The following JHY variants were observed in gnomAD, a reference collection of about 807,000 sequenced individuals.
The protein encoded by JHY is jhy protein homolog.
In JHY, 69 loss-of-function variants were observed where a neutral mutation model predicts 78.0. That is an observed-to-expected ratio of 0.88 (90% CI 0.73 to 1.08). The LOEUF is 1.08. JHY is among the 50% of genes least tolerant of loss of function. The pLI, the probability that JHY is intolerant of heterozygous loss-of-function variation, is 0.00. For synonymous variants in JHY, 368 were observed against 342.6 expected, an observed-to-expected ratio of 1.07 and a Z score of -0.82; for missense variants, 944 against 927.8, an observed-to-expected ratio of 1.02 and a Z score of -0.23.
At chr11:122,902,062 G>A (rs1251353664) in intron 2 of JHY, among the ~76,000 whole-genome samples, 1 of 149,012 alleles carries the variant, frequency 6.7e-6, no homozygotes, top group East Asian at 2.2e-4. Context: ...AGGATAACAA[G>A]GCCTTCTTCT....
chr11:122,960,777 GC>G lies in JHY; in HGVS notation c.*1333del. On this transcript the variant is annotated 3_prime_UTR_variant, in exon 9 of 9. Coordinates refer to ENST00000227349, the MANE Select transcript of JHY (RefSeq NM_024806.4). Reference sequence around the variant, plus strand: ...GGCTTCCATCAAACAAATCCAGGATGCAATTGATTTGGAGAAGTCGCAGCGC... The same window carrying G: ...GGCTTCCATCAAACAAATCCAGGATGAATTGATTTGGAGAAGTCGCAGCGC... 2.0e-6 allele frequency: 1 copy of G among 501,148 alleles called. No individual in the cohort carries two copies. The highest frequency in any genetic ancestry group is 4.0e-6 in the Non-Finnish European group (1 of 252,926). The allele number at this position is 501,148 out of a possible 1,614,324, so 31.0% of individuals were successfully genotyped here.
intron 2 of JHY, among the ~76,000 whole-genome samples, chr11:122,901,831 C>G (rs572186286): frequency 6.6e-6 from 1 of 151,772 alleles, no homozygotes; most frequent in African/African-American, 2.4e-5. Flanking sequence ...CAAGATAGCG[C>G]CACTGCACTC....
intron 6 of JHY, among the ~76,000 whole-genome samples, chr11:122,953,646 A>C (rs770621588): frequency 2.0e-5 from 3 of 151,974 alleles, no homozygotes; most frequent in Non-Finnish European, 4.4e-5. Flanking sequence ...AAGAATTCAT[A>C]GTGAATGGAC....
At chr11:122,902,242 A>T (rs1862876853) in intron 2 of JHY, among the ~76,000 whole-genome samples, 1 of 152,086 alleles carries the variant, frequency 6.6e-6, no homozygotes, top group South Asian at 2.1e-4. Flanking sequence ...GGATCACAGG[A>T]GGCCAGGAGG....
intron 3 of JHY, among the ~76,000 whole-genome samples, chr11:122,924,485 G>A (rs901013439): frequency 6.6e-6 from 1 of 152,148 alleles, no homozygotes; most frequent in Non-Finnish European, 1.5e-5. Flanking sequence ...GGCACACCGC[G>A]AGCATTCCAT....
In JHY at chr11:122,926,486, G is replaced by C. The variant is rs577633760; in HGVS notation, c.978+1476G>C. 3.9e-5 allele frequency among the ~76,000 whole-genome samples: 6 copies of C among 152,276 alleles called. No homozygotes were observed. The South Asian group carries it at 1.2e-3, about 32-fold the overall frequency. The stretch of plus-strand genomic sequence containing the variant: ...TCTTTTCCTCTCCAGTGGACTCCAG[G>C]CCTCTCTTAAGAGTTGCAAAAAAAG... On this transcript the variant is annotated intron_variant, in intron 4 of 8. Transcript: ENST00000227349.
rs1367637531 is a variant in JHY at position 122,883,659 on chromosome 11, A to G, written c.-90+687A>G. On this transcript the variant is annotated intron_variant, in intron 1 of 8. Coordinates refer to ENST00000227349, the MANE Select transcript of JHY (RefSeq NM_024806.4). This position sits in a 1 kb window ranked among gnomAD's most constrained non-coding sequence, Gnocchi z 4.4. ...TAAACGCCCACTTTCTAACTTATTCAAGCTGTCAGCTGTTCCTTCTTCCAC... is the reference window on the plus strand; with the variant it reads ...TAAACGCCCACTTTCTAACTTATTCGAGCTGTCAGCTGTTCCTTCTTCCAC... 6.6e-6 allele frequency among the ~76,000 whole-genome samples: 1 copy of G among 151,864 alleles called. No homozygotes were observed. Among genetic ancestry groups the G allele is most frequent in the African/African-American group, 2.4e-5 (1 of 41,342 alleles).
At chr11:122,904,661 G>A (rs895271469) in intron 3 of JHY, among the ~76,000 whole-genome samples, 4 of 152,138 alleles carry the variant, frequency 2.6e-5, no homozygotes, top group African/African-American at 4.8e-5. Flanking sequence ...CAGTGTAATT[G>A]CTACAAGTCG....
At chr11:122,940,310 C>T (rs903759112) in intron 5 of JHY, among the ~76,000 whole-genome samples, 1 of 152,012 alleles carries the variant, frequency 6.6e-6, no homozygotes, top group African/African-American at 2.4e-5. Flanking sequence ...TGCACTCCAG[C>T]CTGGGCAACA....
chr11:122,902,463 C>T (rs1297956658), intron 2 of JHY, among the ~76,000 whole-genome samples: 1 of 138,026 alleles, frequency 7.2e-6, no homozygotes, highest in South Asian at 2.3e-4. Flanking sequence ...AGACTTGTCT[C>T]AAAAAAAAAA....
At position 122,957,586 on chromosome 11, in the gene JHY, A is replaced by AGTCTTGCC. The variant is rs1864219973; in HGVS notation, c.2139+104_2139+111dup. On this transcript the variant is annotated intron_variant, in intron 8 of 8. Transcript: ENST00000227349. The stretch of plus-strand genomic sequence containing the variant: ...TTTTTTTTTTTTTAATTAGCCACAG[A>AGTCTTGCC]GTCTTGCCGTCTTGCCCAGGATGGT... 13 of 1,292,434 alleles carry AGTCTTGCC rather than the reference A, an allele frequency of 1.0e-5. No individual in the cohort carries two copies. In the South Asian group the frequency reaches 1.7e-4, roughly 17 times the overall value. The allele number at this position is 1,292,434 out of a possible 1,614,324, so 80.1% of individuals were successfully genotyped here. A position where few individuals can be genotyped will look rare whatever the true frequency, so the allele number is the denominator to read the frequency against.
chr11:122,946,885 A>T, intron 6 of JHY, 93 bp downstream of exon 6: 1 of 1,438,206 alleles, frequency 7.0e-7, no homozygotes, highest in Non-Finnish European at 9.4e-7. Flanking sequence ...AGGGATGGTC[A>T]TTACTGAGTT....
chr11:122,885,568 T>C (rs1232703853), intron 1 of JHY, among the ~76,000 whole-genome samples, 193 bp from the exon 2 acceptor site: 2 of 152,208 alleles, frequency 1.3e-5, no homozygotes, highest in African/African-American at 2.4e-5. Flanking sequence ...TTATGAGCGC[T>C]ACATCAGATG....
At chr11:122,949,525 GA>G (rs1864041228) in intron 6 of JHY, among the ~76,000 whole-genome samples, 1 of 152,098 alleles carries the variant, frequency 6.6e-6, no homozygotes, top group African/African-American at 2.4e-5. Flanking sequence ...CTAACGAGAA[GA>G]AAAAGAGGAT....
Position 122,934,936 on chromosome 11 carries a change from C to T in JHY, c.1495C>T (p.Leu499Phe), listed in dbSNP as rs1863720787. Residue 499 changes from leucine (L) to phenylalanine (F), a missense_variant, in exon 5 of 9, where the codon CTT becomes TTT. Coordinates refer to ENST00000227349, the MANE Select transcript of JHY (RefSeq NM_024806.4). ...SDMDLNNLNE[L>F]SKRHVLLSQK... Reference sequence around the variant, plus strand: ...CATGGATTTGAACAACCTTAATGAACTTTCTAAGAGACACGTGCTCCTGAG... The same window carrying T: ...CATGGATTTGAACAACCTTAATGAATTTTCTAAGAGACACGTGCTCCTGAG... The T allele has an allele frequency of 9.9e-6, 16 of 1,614,124 alleles. No individual in the cohort carries two copies. The highest frequency in any genetic ancestry group is 4.5e-5 in the East Asian group (2 of 44,874).
Position 122,959,469 on chromosome 11 carries a change from C to A in JHY, c.*24C>A, listed in dbSNP as rs1156688299. ...AGACAACATTTGATAGGAAGGAGAC[C>A]AAAAATGGTCCAGGAATGAACGTGG... is the stretch of plus-strand genomic sequence containing the variant. On this transcript the variant is annotated 3_prime_UTR_variant, in exon 9 of 9. Coordinates refer to ENST00000227349, the MANE Select transcript of JHY (RefSeq NM_024806.4). The A allele has an allele frequency of 6.2e-7, 1 of 1,603,942 alleles. No individual in the cohort carries two copies. Among genetic ancestry groups the A allele is most frequent in the South Asian group, 1.1e-5 (1 of 90,226 alleles).
At chr11:122,950,841 A>T (rs551408173) in intron 6 of JHY, among the ~76,000 whole-genome samples, 1 of 152,204 alleles carries the variant, frequency 6.6e-6, no homozygotes, top group East Asian at 1.9e-4. Context: ...GAGGAAGGAA[A>T]ATTTGCAATT....
At chr11:122,928,952 T>G (rs935273182) in intron 4 of JHY, among the ~76,000 whole-genome samples, 21 of 151,446 alleles carry the variant, frequency 1.4e-4, no homozygotes, top group Non-Finnish European at 2.2e-4. Context: ...CTGGCCCATT[T>G]TTTCTTTTTA....
chr11:122,921,574 A>G (rs1863367208), intron 3 of JHY, among the ~76,000 whole-genome samples: 1 of 152,246 alleles, frequency 6.6e-6, no homozygotes, highest in Non-Finnish European at 1.5e-5. Flanking sequence ...TCTGTTGAAC[A>G]TCATGGTTAT....
Sources: gnomAD v4.1 joint callset for allele counts (sites outside exome capture counted in the v4.1 genomes callset) on GRCh38, gnomAD v4.1.1 for gene constraint, Gnocchi (gnomAD v3.1) non-coding constraint, MANE v1.5 for transcripts, NCBI Gene and HGNC (gene_info 2026-07-23, HGNC 2026-07-21) for gene names.